MZT1: variants seen among roughly 807,000 people sequenced by gnomAD.
The protein encoded by MZT1 is mitotic-spindle organizing protein 1.
Under a neutral mutation model 8.5 loss-of-function variants are expected in MZT1, and 8 were observed. The ratio of observed to expected loss-of-function variants is 0.94; its 90% confidence interval spans 0.55 to 1.70. MZT1 has a LOEUF of 1.70. Among genes scored for constraint, MZT1 ranks in the 40% most tolerant of loss-of-function variants. The pLI is 0.00. For missense variants in MZT1, 93 were observed against 108.6 expected, an observed-to-expected ratio of 0.86 and a Z score of 0.64; for synonymous variants, 38 against 42.0, an observed-to-expected ratio of 0.90 and a Z score of 0.37.
At chr13:72,719,560 T>C (rs960970750) in intron 1 of MZT1, among the ~76,000 whole-genome samples, 3 of 152,182 alleles carry the variant, frequency 2.0e-5, no homozygotes, top group African/African-American at 7.2e-5. Flanking sequence ...TAAATTTTAT[T>C]TCATTAGGAT....
At chr13:72,714,364 G>A (rs716660) in intron 2 of MZT1, among the ~76,000 whole-genome samples, 134,088 of 152,252 alleles carry the variant, frequency 0.88, 61,141 homozygotes, top group Non-Finnish European at 0.99. Context: ...GGGAGGCAGA[G>A]CATAAAAGTT....
At chr13:72,724,679 C>T (rs1272820091) in intron 1 of MZT1, among the ~76,000 whole-genome samples, 1 of 121,324 alleles carries the variant, frequency 8.2e-6, no homozygotes, top group African/African-American at 2.9e-5. Flanking sequence ...GCTGGGATTA[C>T]AGGCACCCGT....
chr13:72,721,103 T>C (rs1296580322), intron 1 of MZT1, among the ~76,000 whole-genome samples: 1 of 152,224 alleles, frequency 6.6e-6, no homozygotes, highest in Non-Finnish European at 1.5e-5. Flanking sequence ...GCATATCTGG[T>C]AATCTTTGAT....
intron 1 of MZT1, among the ~76,000 whole-genome samples, chr13:72,720,824 G>T (rs1160803133): frequency 6.6e-5 from 10 of 152,254 alleles, no homozygotes; most frequent in African/African-American, 2.4e-4. Context: ...GGAAGTAAAG[G>T]TTGCGGTGAG....
rs939455478 is a variant in MZT1 at position 72,718,969 on chromosome 13, C to T, written c.208G>A (p.Ala70Thr). ...LSSVIKELRKATEALKAAENM... is the reference protein window; with the variant it reads ...LSSVIKELRKTTEALKAAENM... ...TCTCCAACCTTCAGTGCTTCAGTAG[C>T]CTTGCGAAGCTCCTTAATAACCGAT... Residue 70 changes from alanine to threonine, a missense_variant, in exon 2 of 3, where the codon GCT (alanine) becomes ACT (threonine). By Grantham distance (58) the Ala-to-Thr change is moderately conservative. Coordinates refer to ENST00000377818, the MANE Select transcript of MZT1 (RefSeq NM_001071775.3). 1.9e-6 allele frequency: 3 copies of T among 1,573,270 alleles called. No individual in the cohort carries two copies. Among genetic ancestry groups the T allele is most frequent in the Non-Finnish European group, 2.6e-6 (3 of 1,166,616 alleles).
chr13:72,716,520 T>A (rs1198363127), intron 2 of MZT1, among the ~76,000 whole-genome samples: 1 of 152,154 alleles, frequency 6.6e-6, no homozygotes, highest in Non-Finnish European at 1.5e-5. Flanking sequence ...GTAAATTGCA[T>A]GTTTTAAATA....
In MZT1 at chr13:72,726,744, GA is replaced by G. The variant is rs35019188; in HGVS notation, c.79+779del. ...CCTGGAGGTAGGGTTTTATTTTACA[GA>G]AAAAAAAAAAAAAAAAACTAAACAG... On this transcript the variant is annotated intron_variant, in intron 1 of 2. Coordinates refer to ENST00000377818, the MANE Select transcript of MZT1 (RefSeq NM_001071775.3). Among the ~76,000 whole-genome samples, 457 of 132,120 alleles carry G rather than the reference GA, an allele frequency of 3.5e-3. 3 individuals are homozygous for G. The highest frequency in any genetic ancestry group is 0.013 in the African/African-American group (433 of 34,072). The allele number at this position is 132,120 out of a possible 152,430, so 86.7% of individuals were successfully genotyped here. A position where few individuals can be genotyped will look rare whatever the true frequency, so the allele number is the denominator to read the frequency against.
intron 1 of MZT1, among the ~76,000 whole-genome samples, chr13:72,723,203 C>G (rs1034619219): frequency 6.6e-6 from 1 of 152,136 alleles, no homozygotes; most frequent in Non-Finnish European, 1.5e-5. Context: ...GCCTTTTATC[C>G]TCCCTTCATA....
intron 2 of MZT1, among the ~76,000 whole-genome samples, chr13:72,718,054 G>T (rs2032553246): frequency 6.6e-6 from 1 of 152,132 alleles, no homozygotes; most frequent in East Asian, 1.9e-4. Flanking sequence ...TATTAGGTGG[G>T]TTAAAACAAC....
At chr13:72,711,754 G>A (rs1461299940) in intron 2 of MZT1, among the ~76,000 whole-genome samples, 2 of 151,760 alleles carry the variant, frequency 1.3e-5, no homozygotes, top group Admixed American at 6.6e-5. Flanking sequence ...CACAAGGCAG[G>A]GAGAAGAACC....
At chr13:72,717,696 C>A (rs1157856460) in intron 2 of MZT1, among the ~76,000 whole-genome samples, 1 of 152,092 alleles carries the variant, frequency 6.6e-6, no homozygotes. Context: ...TAAATGTTCC[C>A]CATTTCCATC....
chr13:72,710,986 TA>T (rs1415026167), intron 2 of MZT1, among the ~76,000 whole-genome samples: 2 of 152,182 alleles, frequency 1.3e-5, no homozygotes, highest in Admixed American at 6.5e-5. Context: ...GTTAGTATTT[TA>T]ATTCATTTAC....
rs1382636307 is a variant in MZT1 at position 72,710,150 on chromosome 13, C to T, written c.*172G>A. ...ATGTAAACACATCTGATAGTTCTCTCTGTAAGCCACTTTCCACTGATTTAT... is the reference window on the plus strand; with the variant it reads ...ATGTAAACACATCTGATAGTTCTCTTTGTAAGCCACTTTCCACTGATTTAT... On this transcript the variant is annotated 3_prime_UTR_variant, in exon 3 of 3. Transcript: ENST00000377818. 1 of 627,238 alleles carries T rather than the reference C, an allele frequency of 1.6e-6. No homozygotes were observed. Among genetic ancestry groups the T allele is most frequent in the African/African-American group, 1.9e-5 (1 of 53,726 alleles). The allele number at this position is 627,238 out of a possible 1,614,324, so 38.9% of individuals were successfully genotyped here.
chr13:72,711,040 A>G (rs1196227297), intron 2 of MZT1, among the ~76,000 whole-genome samples: 2 of 152,170 alleles, frequency 1.3e-5, no homozygotes, highest in Admixed American at 6.5e-5. Flanking sequence ...ACAGGGACAC[A>G]TCGCAGATTT....
chr13:72,710,397 T>C, intron 2 of MZT1, 52 bp from the exon 3 acceptor site: 1 of 1,578,614 alleles, frequency 6.3e-7, no homozygotes, highest in Non-Finnish European at 8.7e-7. Context: ...AAAAGAGGCA[T>C]CATGAAGATA....
chr13:72,712,088 C>T (rs141708077), intron 2 of MZT1, among the ~76,000 whole-genome samples: 3 of 152,084 alleles, frequency 2.0e-5, no homozygotes, highest in African/African-American at 4.8e-5. Context: ...TATAAGGATG[C>T]ATTACTTTCA....
chr13:72,713,481 C>T (rs1331332240), intron 2 of MZT1, among the ~76,000 whole-genome samples: 1 of 152,152 alleles, frequency 6.6e-6, no homozygotes, highest in Admixed American at 6.5e-5. Context: ...ATGTATCCTC[C>T]CACATACTTT....
chr13:72,713,244 AATAGTAGCAT>A (rs2032504763), intron 2 of MZT1, among the ~76,000 whole-genome samples: 1 of 152,198 alleles, frequency 6.6e-6, no homozygotes, highest in African/African-American at 2.4e-5. Context: ...GTAAACTACT[AATAGTAGCAT>A]AGGATAAGTA....
At chr13:72,712,378 T>G (rs370019992) in intron 2 of MZT1, among the ~76,000 whole-genome samples, 23 of 152,352 alleles carry the variant, frequency 1.5e-4, no homozygotes, top group African/African-American at 5.5e-4. Flanking sequence ...AGTCTTAAAC[T>G]CCTGGCCTGA....
Sources: allele counts gnomAD v4.1 joint callset (sites outside exome capture counted in the v4.1 genomes callset), GRCh38; gene constraint gnomAD v4.1.1; transcripts MANE v1.5; gene names NCBI Gene and HGNC (gene_info 2026-07-23, HGNC 2026-07-21).